The following SHISA9 variants were observed in gnomAD, a reference collection of about 807,000 sequenced individuals.
The protein encoded by SHISA9 is shisa family member 9.
Under a neutral mutation model 38.0 loss-of-function variants are expected in SHISA9, and 13 were observed. That is an observed-to-expected ratio of 0.34 (90% CI 0.22 to 0.54). The LOEUF (loss-of-function observed/expected upper bound fraction) is 0.54, where lower values mean the gene tolerates loss of function less well. Ranked by LOEUF, SHISA9 falls within the 20% of genes least tolerant of loss-of-function variation. The pLI is 0.91. For synonymous variants in SHISA9, 275 were observed against 242.0 expected (o/e 1.14, Z -1.27); for missense variants, 538 against 575.8 (o/e 0.93, Z 0.67).
At chr16:13,070,873 G>A (rs1567202097) in intron 2 of SHISA9, among the ~76,000 whole-genome samples, 2 of 152,226 alleles carry the variant, frequency 1.3e-5, no homozygotes, top group East Asian at 1.9e-4. Context: ...CCTCACAGCC[G>A]CCTTCCCTGA....
At chr16:13,485,316 T>C in the SHISA9 span, among the ~76,000 whole-genome samples, 1 of 152,134 alleles carries the variant, frequency 6.6e-6, no homozygotes, top group Admixed American at 6.6e-5. Flanking sequence ...CCTGTGTTAG[T>C]TTGCTGAGAA....
chr16:13,213,192 A>G, intron 3 of SHISA9, 61 bp from the exon 4 acceptor site: 5 of 1,464,344 alleles, frequency 3.4e-6, no homozygotes, highest in Non-Finnish European at 4.7e-6. Context: ...GTGTGAGGGC[A>G]TAGTGAACAT....
intron 2 of SHISA9, among the ~76,000 whole-genome samples, chr16:12,994,244 G>A (rs2072428031): frequency 6.6e-6 from 1 of 152,162 alleles, no homozygotes; most frequent in Non-Finnish European, 1.5e-5. Context: ...GAGAGATGAT[G>A]GTGTCTTGGA....
intron 2 of SHISA9, among the ~76,000 whole-genome samples, chr16:13,155,939 CTGTAAAAAA>C (rs533515791): frequency 6.6e-6 from 1 of 151,990 alleles, no homozygotes; most frequent in Non-Finnish European, 1.5e-5. Flanking sequence ...GAAAAAGAAA[CTGTAAAAAA>C]TGTGTTTGCG....
the SHISA9 span, among the ~76,000 whole-genome samples, chr16:13,392,098 A>G: frequency 1.3e-5 from 2 of 152,036 alleles, no homozygotes; most frequent in African/African-American, 4.8e-5. Flanking sequence ...TTTTCCTGGG[A>G]GGAAAGGTAT....
chr16:13,188,963 T>C (rs2050856542), intron 2 of SHISA9, among the ~76,000 whole-genome samples: 2 of 152,182 alleles, frequency 1.3e-5, no homozygotes, highest in South Asian at 4.1e-4. Flanking sequence ...GAAATTTGGA[T>C]GCAGACACAC....
At chr16:13,511,159 AT>A in the SHISA9 span, among the ~76,000 whole-genome samples, 1 of 152,228 alleles carries the variant, frequency 6.6e-6, no homozygotes, top group Non-Finnish European at 1.5e-5. Context: ...TTGCACCCAA[AT>A]AAAGTCATTC....
At chr16:13,280,902 G>A in the SHISA9 span, among the ~76,000 whole-genome samples, 1 of 151,794 alleles carries the variant, frequency 6.6e-6, no homozygotes, top group Non-Finnish European at 1.5e-5. Context: ...GTGCAGGAAA[G>A]AATGCAACAA....
At chr16:13,044,151 G>T (rs965472271) in intron 2 of SHISA9, among the ~76,000 whole-genome samples, 3 of 152,142 alleles carry the variant, frequency 2.0e-5, no homozygotes, top group Admixed American at 6.5e-5. Context: ...TCTAGGGAAG[G>T]GGTCCTAAAG....
At chr16:13,146,604 C>T (rs907065006) in intron 2 of SHISA9, among the ~76,000 whole-genome samples, 3 of 152,142 alleles carry the variant, frequency 2.0e-5, no homozygotes, top group African/African-American at 7.2e-5. Flanking sequence ...GCTTTTAAAG[C>T]CAACATTTAT....
chr16:12,902,251 G>T lies in SHISA9; in HGVS notation c.187G>T (p.Ala63Ser). The change falls in exon 1 of 5, where the codon GCG becomes TCG. Residue 63 changes from alanine to serine, a missense_variant. Physicochemically the swap from Ala to Ser is moderately conservative, Grantham distance 99. Transcript: ENST00000558583. ...CAGCGAGGGCGCTGAGGCATCGGAC[G>T]CGCCCCCGACCCGGGCGCCCACGCC... ...EASEGAEASD[A>S]PPTRAPTPDF... 1 of 1,545,034 alleles carries T rather than the reference G, an allele frequency of 6.5e-7. No individual in the cohort carries two copies. The highest frequency in any genetic ancestry group is 8.7e-7 in the Non-Finnish European group (1 of 1,146,600).
chr16:13,151,382 C>T lies in SHISA9; in HGVS notation c.692-52012C>T, dbSNP rs146816729. On this transcript the variant is annotated intron_variant, in intron 2 of 4. Transcript: ENST00000558583. ...TCAGCCTCCCAAAGTGCTGGGATGA[C>T]AGGCATGAGCCACCACACCCAGTCA... Among the ~76,000 whole-genome samples, 6 of 152,300 alleles carry T rather than the reference C, an allele frequency of 3.9e-5. No individual in the cohort carries two copies. In the East Asian group the frequency reaches 1.2e-3, roughly 29 times the overall value.
the SHISA9 span, among the ~76,000 whole-genome samples, chr16:13,440,433 A>G: frequency 4.6e-5 from 7 of 152,260 alleles, no homozygotes; most frequent in East Asian, 1.4e-3. Flanking sequence ...TCGTTTATTG[A>G]AGGGGGAGAA....
the SHISA9 span, among the ~76,000 whole-genome samples, chr16:13,285,552 G>A: frequency 1.4e-5 from 2 of 143,698 alleles, no homozygotes; most frequent in East Asian, 2.1e-4. Context: ...AAGATTTTCA[G>A]TTTTGAATGT....
rs530671150 is a variant in SHISA9 at position 13,060,951 on chromosome 16, C to T, written c.692-142443C>T. ...AGACTGAGGGCCGCATGGGGTCATA[C>T]TCTCCATATCGTCTCCTGGTTGACA... is the stretch of plus-strand genomic sequence containing the variant. On this transcript the variant is annotated intron_variant, in intron 2 of 4. Coordinates refer to ENST00000558583, the MANE Select transcript of SHISA9 (RefSeq NM_001145204.3). Among the ~76,000 whole-genome samples the T allele has an allele frequency of 2.0e-5, 3 of 152,284 alleles. No homozygotes were observed. The South Asian group carries it at 6.2e-4, about 32-fold the overall frequency.
chr16:13,253,797 G>C, the SHISA9 span, among the ~76,000 whole-genome samples: 1 of 152,108 alleles, frequency 6.6e-6, no homozygotes, highest in Non-Finnish European at 1.5e-5. Context: ...CCATGGACAG[G>C]AGTATTATGA....
At chr16:12,927,762 AC>A (rs1364815670) in intron 2 of SHISA9, among the ~76,000 whole-genome samples, 1 of 151,590 alleles carries the variant, frequency 6.6e-6, no homozygotes, top group African/African-American at 2.4e-5. Context: ...ATGGGCTCCC[AC>A]CCCCCATAGA....
At chr16:12,902,649 C>T in intron 1 of SHISA9, 22 bp downstream of exon 1, 1 of 1,523,696 alleles carries the variant, frequency 6.6e-7, no homozygotes, top group Non-Finnish European at 8.8e-7. Flanking sequence ...CCCCTTCGCC[C>T]TCCCCTCGGG....
rs984629087 is a variant in SHISA9 at position 12,973,996 on chromosome 16, T to G, written c.691+57181T>G. ...TGCATAAGTGGCATCAAAGTATTATTGGAAGTGAGGCCCAGAGTGGGCTGA... is the reference window on the plus strand; with the variant it reads ...TGCATAAGTGGCATCAAAGTATTATGGGAAGTGAGGCCCAGAGTGGGCTGA... On this transcript the variant is annotated intron_variant, in intron 2 of 4. Coordinates refer to ENST00000558583, the MANE Select transcript of SHISA9 (RefSeq NM_001145204.3). 5.9e-5 allele frequency among the ~76,000 whole-genome samples: 9 copies of G among 152,308 alleles called. No individual in the cohort carries two copies. The East Asian group carries it at 1.5e-3, about 26-fold the overall frequency.
Sources: gnomAD v4.1 joint callset for allele counts (sites outside exome capture counted in the v4.1 genomes callset) on GRCh38, gnomAD v4.1.1 for gene constraint, MANE v1.5 for transcripts, NCBI Gene and HGNC (gene_info 2026-07-23, HGNC 2026-07-21) for gene names.